The following CRYZL1 variants were observed in gnomAD, a reference collection of about 807,000 sequenced individuals.
CRYZL1 encodes ferry endosomal RAB5 effector complex subunit 4.
In CRYZL1, 34 loss-of-function variants were observed where a neutral mutation model predicts 50.6. The ratio of observed to expected loss-of-function variants is 0.67; its 90% CI spans 0.51 to 0.89. CRYZL1 has a LOEUF of 0.89. CRYZL1 is among the 40% of genes least tolerant of loss of function. The probability of loss-of-function intolerance (pLI) is 0.00; values close to 1 mark genes in which losing one functional copy is unlikely to be tolerated. For synonymous variants in CRYZL1, 125 were observed against 134.3 expected (o/e 0.93, Z 0.48); for missense variants, 354 against 402.3 (o/e 0.88, Z 1.03).
chr21:33,593,051 C>CA (rs766943166), intron 11 of CRYZL1, among the ~76,000 whole-genome samples: 1,602 of 93,762 alleles, frequency 0.017, 14 homozygotes, highest in African/African-American at 0.042. Flanking sequence ...GACTCTATCT[C>CA]AAAAAAAAAA....
intron 7 of CRYZL1, 89 bp from the exon 8 acceptor site, chr21:33,602,434 A>C: frequency 1.9e-6 from 1 of 513,432 alleles, no homozygotes; most frequent in South Asian, 3.7e-5. Context: ...ATAAAGTATA[A>C]TTCTTTAGTG....
chr21:33,595,374 C>T lies in CRYZL1; in HGVS notation c.904+357G>A. 3.1e-6 allele frequency: 4 copies of T among 1,310,614 alleles called. No homozygotes were observed. In the South Asian group the frequency reaches 3.7e-5, roughly 12 times the overall value. 81.2% of individuals were successfully genotyped at this position (1,310,614 alleles called of 1,614,324 possible). ...GTGCAACCTTTCAAGGTGATGTGTG[C>T]TTTCCTTAATGTGAGGTTAAAAACA... On this transcript the variant is annotated intron_variant, in intron 11 of 12. Transcript: ENST00000381554.
chr21:33,605,530 C>CTTTTGTTTTTTTTTTTTTTTTT (rs2086802514), intron 6 of CRYZL1, among the ~76,000 whole-genome samples: 1 of 53,196 alleles, frequency 1.9e-5, no homozygotes, highest in Non-Finnish European at 3.2e-5. Flanking sequence ...TACAAGAATT[C>CTTTTGTTTTTTTTTTTTTTTTT]TTTTTTTTTT....
Position 33,591,221 on chromosome 21 carries a change from T to C in CRYZL1, c.905-14A>G, listed in dbSNP as rs376698083. On this transcript the variant is annotated splice_polypyrimidine_tract_variant and intron_variant, in intron 11 of 12. Coordinates refer to ENST00000381554, the MANE Select transcript of CRYZL1 (RefSeq NM_145858.3). ...CCTTTAAGATACGTAGCTGGAAGGA[T>C]TGTTAAGGTGGCAATGTAAAGGAGA... is the stretch of plus-strand genomic sequence containing the variant. 5.6e-6 allele frequency: 9 copies of C among 1,606,208 alleles called. No individual in the cohort carries two copies. In the East Asian group the frequency reaches 6.7e-5, roughly 12 times the overall value.
intron 1 of CRYZL1, among the ~76,000 whole-genome samples, chr21:33,639,138 G>A (rs1271858551): frequency 6.6e-6 from 1 of 152,106 alleles, no homozygotes; most frequent in Non-Finnish European, 1.5e-5. Flanking sequence ...AATTTTTGAT[G>A]ACCTCCCCAC....
At chr21:33,622,184 G>A in intron 3 of CRYZL1, 116 bp from the exon 4 acceptor site, 1 of 795,072 alleles carries the variant, frequency 1.3e-6, no homozygotes, top group Non-Finnish European at 2.1e-6. Context: ...TATGGTTCAA[G>A]TTTTGGAACT....
intron 2 of CRYZL1, among the ~76,000 whole-genome samples, chr21:33,628,182 C>T (rs1000624636): frequency 6.6e-6 from 1 of 152,168 alleles, no homozygotes; most frequent in African/African-American, 2.4e-5. Flanking sequence ...TACACTACCA[C>T]CCTGAGGAAC....
intron 10 of CRYZL1, among the ~76,000 whole-genome samples, 167 bp downstream of exon 10, chr21:33,597,113 G>A (rs546392293): frequency 9.8e-4 from 149 of 151,858 alleles, no homozygotes; most frequent in African/African-American, 3.6e-3. Context: ...CAAGTGATCC[G>A]CCCGCCGCGG....
At chr21:33,608,440 A>G (rs1254658575) in intron 6 of CRYZL1, among the ~76,000 whole-genome samples, 3 of 152,146 alleles carry the variant, frequency 2.0e-5, no homozygotes, top group African/African-American at 7.2e-5. Flanking sequence ...GGGCAATAAG[A>G]GCAAAACTCC....
At chr21:33,597,706 G>A (rs2086710092) in intron 9 of CRYZL1, among the ~76,000 whole-genome samples, 3 of 152,218 alleles carry the variant, frequency 2.0e-5, no homozygotes, top group East Asian at 1.9e-4. Context: ...TCCGCCTCCC[G>A]GGTTCACGCC....
intron 5 of CRYZL1, chr21:33,616,484 G>T: frequency 1.7e-6 from 1 of 597,478 alleles, no homozygotes; most frequent in South Asian, 2.1e-5. Flanking sequence ...TAGAGACGAG[G>T]TTTCTCCATG....
At chr21:33,631,350 A>G (rs1011199642) in intron 2 of CRYZL1, 136 bp downstream of exon 2, 2 of 516,162 alleles carry the variant, frequency 3.9e-6, no homozygotes, top group Non-Finnish European at 6.6e-6. Flanking sequence ...AATTTAAAGG[A>G]AAGTACTGTA....
chr21:33,615,353 A>T (rs2086918137), intron 5 of CRYZL1, among the ~76,000 whole-genome samples: 1 of 151,738 alleles, frequency 6.6e-6, no homozygotes, highest in Non-Finnish European at 1.5e-5. Context: ...GAGCTTTTGC[A>T]ATGTTGCCCA....
At chr21:33,592,639 G>C (rs967455513) in intron 11 of CRYZL1, among the ~76,000 whole-genome samples, 1 of 152,206 alleles carries the variant, frequency 6.6e-6, no homozygotes, top group Admixed American at 6.5e-5. Flanking sequence ...TTATGGCCCA[G>C]AATGACACAG....
intron 1 of CRYZL1, among the ~76,000 whole-genome samples, chr21:33,640,443 T>C (rs915472656): frequency 1.8e-4 from 28 of 151,942 alleles, no homozygotes; most frequent in African/African-American, 6.3e-4. Flanking sequence ...CGGTATGACT[T>C]TGGGCTACTT....
rs375112338 is a variant in CRYZL1, at chr21:33,622,989, G to A, written c.145-921C>T. 8.0e-4 allele frequency among the ~76,000 whole-genome samples: 115 copies of A among 143,918 alleles called. 1 individual carries two copies. In the East Asian group the frequency reaches 0.019, roughly 24 times the overall value. The allele number at this position is 143,918 out of a possible 152,430, so 94.4% of individuals were successfully genotyped here. ...TCTATTTTTTTTTTTTTTTTCAGAT[G>A]GAGTCTCACTCTGTCGCCCAGGCTG... On this transcript the variant is annotated intron_variant, in intron 3 of 12. Coordinates refer to ENST00000381554, the MANE Select transcript of CRYZL1 (RefSeq NM_145858.3).
chr21:33,596,872 T>G (rs563876604), intron 10 of CRYZL1, among the ~76,000 whole-genome samples: 77 of 151,542 alleles, frequency 5.1e-4, no homozygotes, highest in African/African-American at 1.8e-3. Context: ...TTTTTCTTTT[T>G]TTTTTTTTGA....
intron 1 of CRYZL1, chr21:33,640,060 A>C (rs1462002407): frequency 1.3e-5 from 17 of 1,336,392 alleles, no homozygotes. Context: ...TCCTGGCCTC[A>C]AGTGATCCAC....
intron 6 of CRYZL1, among the ~76,000 whole-genome samples, chr21:33,612,575 C>T (rs147298170): frequency 3.4e-4 from 52 of 152,244 alleles, no homozygotes; most frequent in African/African-American, 1.2e-3. Context: ...AGGCGTGAGC[C>T]GCTGCGCCTG....
Sources: allele counts gnomAD v4.1 joint callset (sites outside exome capture counted in the v4.1 genomes callset), GRCh38; gene constraint gnomAD v4.1.1; transcripts MANE v1.5; gene names NCBI Gene and HGNC (gene_info 2026-07-23, HGNC 2026-07-21).